The following KIAA1328 variants were observed in gnomAD, a reference collection of about 807,000 sequenced individuals.
The protein encoded by KIAA1328 is protein hinderin.
A neutral mutation model predicts 68.1 loss-of-function variants in KIAA1328; 52 were observed. That is an observed-to-expected ratio of 0.76 (90% CI 0.61 to 0.96). The LOEUF (loss-of-function observed/expected upper bound fraction) is 0.96. Among genes scored for constraint, KIAA1328 ranks in the 40% least tolerant of loss-of-function variants. The pLI, the probability that KIAA1328 is intolerant of heterozygous loss-of-function variation, is 0.00. For synonymous variants in KIAA1328, 232 were observed against 239.4 expected (o/e 0.97, Z 0.28); for missense variants, 641 against 677.6 (o/e 0.95, Z 0.60).
intron 7 of KIAA1328, among the ~76,000 whole-genome samples, chr18:37,093,886 G>T (rs2057332001): frequency 6.6e-6 from 1 of 152,166 alleles, no homozygotes; most frequent in East Asian, 1.9e-4. Flanking sequence ...TAAAAATCCA[G>T]CAAGGAAAAG....
chr18:37,073,784 T>A (rs2056614419), intron 7 of KIAA1328, among the ~76,000 whole-genome samples: 1 of 152,230 alleles, frequency 6.6e-6, no homozygotes, highest in Non-Finnish European at 1.5e-5. Flanking sequence ...AAGAGCGTAT[T>A]CATAAGTGCT....
chr18:37,160,304 C>G lies in KIAA1328; in HGVS notation c.1337C>G (p.Thr446Arg). The G allele has an allele frequency of 6.2e-7, 1 of 1,613,650 alleles. No individual in the cohort carries two copies. The highest frequency in any genetic ancestry group is 8.5e-7 in the Non-Finnish European group (1 of 1,179,688). ...NSGENRKERK[T>R]VGFHSHMKDD... is the part of the protein sequence containing the mutation. ...GGAGAGAATAGGAAGGAGAGGAAGA[C>G]AGTTGGGTTTCATTCGCATATGAAA... Residue 446 changes from threonine (T) to arginine (R), a missense_variant, in exon 8 of 10, where the codon ACA becomes AGA. By Grantham distance (71) the Thr-to-Arg change is moderately conservative (BLOSUM62 -1). Transcript: ENST00000280020.
intron 6 of KIAA1328, among the ~76,000 whole-genome samples, chr18:37,028,337 G>T (rs2054679032): frequency 6.6e-6 from 1 of 151,990 alleles, no homozygotes; most frequent in African/African-American, 2.4e-5. Context: ...CCTCAGCTTG[G>T]ATGTTGTTGG....
chr18:37,083,191 T>C (rs1429738611), intron 7 of KIAA1328, among the ~76,000 whole-genome samples: 1 of 152,192 alleles, frequency 6.6e-6, no homozygotes. Context: ...TTGCTGCCAT[T>C]TTTTCACTTT....
chr18:37,074,245 C>T (rs1028203659), intron 7 of KIAA1328, among the ~76,000 whole-genome samples: 2 of 152,140 alleles, frequency 1.3e-5, no homozygotes, highest in African/African-American at 4.8e-5. Flanking sequence ...GCCAGCTTCT[C>T]CCACATTCAA....
At chr18:36,985,859 C>T (rs891904455) in intron 6 of KIAA1328, among the ~76,000 whole-genome samples, 4 of 152,080 alleles carry the variant, frequency 2.6e-5, no homozygotes, top group African/African-American at 9.7e-5. Context: ...GAGAAAAGCA[C>T]ATGAAAAGTT....
At chr18:36,929,531 G>C (rs774389155) in intron 5 of KIAA1328, among the ~76,000 whole-genome samples, 1 of 151,992 alleles carries the variant, frequency 6.6e-6, no homozygotes, top group Non-Finnish European at 1.5e-5. Context: ...GGTTTTACTA[G>C]TGTTTTTGTC....
intron 9 of KIAA1328, among the ~76,000 whole-genome samples, chr18:37,220,684 G>A (rs1290472430): frequency 6.6e-6 from 1 of 152,202 alleles, no homozygotes; most frequent in Non-Finnish European, 1.5e-5. Context: ...CCACAGGGAT[G>A]GGCTTGGGAA....
rs570840561 is a variant in KIAA1328 at position 37,038,610 on chromosome 18, A to G, written c.577-28280A>G. On this transcript the variant is annotated intron_variant, in intron 6 of 9. Transcript: ENST00000280020. Reference sequence around the variant, plus strand: ...TTATTTCAGTAGTTTCATTTTGTTTATAGATTTCTTAGGATTTTCTACATA... The same window carrying G: ...TTATTTCAGTAGTTTCATTTTGTTTGTAGATTTCTTAGGATTTTCTACATA... 9.2e-5 allele frequency among the ~76,000 whole-genome samples: 14 copies of G among 152,140 alleles called. No homozygotes were observed. The East Asian group carries it at 2.5e-3, about 27-fold the overall frequency.
intron 9 of KIAA1328, among the ~76,000 whole-genome samples, chr18:37,193,905 A>G (rs931881943): frequency 6.6e-6 from 1 of 152,222 alleles, no homozygotes; most frequent in African/African-American, 2.4e-5. Flanking sequence ...TTTCAGGGAT[A>G]ATTATGCATA....
chr18:36,945,942 T>A (rs1369573279), intron 5 of KIAA1328, among the ~76,000 whole-genome samples: 3 of 152,342 alleles, frequency 2.0e-5, no homozygotes, highest in South Asian at 2.1e-4. Context: ...GATTTTGGAT[T>A]TTTTTAGATC....
At chr18:37,152,599 C>T (rs1386007218) in intron 7 of KIAA1328, among the ~76,000 whole-genome samples, 1 of 152,130 alleles carries the variant, frequency 6.6e-6, no homozygotes, top group Non-Finnish European at 1.5e-5. Context: ...TTGTCTCCTG[C>T]AGTGTCCAGA....
chr18:36,944,180 G>C (rs1362717750), intron 5 of KIAA1328, among the ~76,000 whole-genome samples: 1 of 152,084 alleles, frequency 6.6e-6, no homozygotes, highest in Non-Finnish European at 1.5e-5. Flanking sequence ...TTGTAAAATG[G>C]GACTGCTGTA....
intron 3 of KIAA1328, among the ~76,000 whole-genome samples, chr18:36,841,137 A>G (rs1219698606): frequency 1.3e-5 from 2 of 151,998 alleles, no homozygotes; most frequent in Non-Finnish European, 2.9e-5. Context: ...TAGTGTCTCT[A>G]CTGTTCCCAG....
chr18:36,923,536 C>T lies in KIAA1328; in HGVS notation c.449-35772C>T, dbSNP rs140783807. Among the ~76,000 whole-genome samples, 19 of 152,134 alleles carry T rather than the reference C, an allele frequency of 1.2e-4. No individual in the cohort carries two copies. The East Asian group carries it at 3.7e-3, about 29-fold the overall frequency. ...AGTAACTTTATACATATAAGCTTTA[C>T]AATTTACATGAAAGGGATAAATAGA... On this transcript the variant is annotated intron_variant, in intron 5 of 9. Transcript: ENST00000280020.
chr18:37,022,593 G>A (rs1316609640), intron 6 of KIAA1328, among the ~76,000 whole-genome samples: 1 of 152,038 alleles, frequency 6.6e-6, no homozygotes, highest in African/African-American at 2.4e-5. Flanking sequence ...GTGTTAAATT[G>A]CATATATCTT....
At chr18:37,086,033 C>T (rs1239038004) in intron 7 of KIAA1328, among the ~76,000 whole-genome samples, 1 of 152,138 alleles carries the variant, frequency 6.6e-6, no homozygotes, top group African/African-American at 2.4e-5. Flanking sequence ...ACAGTGTGAT[C>T]TCTCTTATAT....
chr18:37,225,210 G>T lies in KIAA1328; in HGVS notation c.*2983G>T. 7 of 985,494 alleles carry T rather than the reference G, an allele frequency of 7.1e-6. No homozygotes were observed. Among genetic ancestry groups the T allele is most frequent in the Non-Finnish European group, 7.2e-6 (6 of 829,964 alleles). The allele number at this position is 985,494 out of a possible 1,614,324, so 61.0% of individuals were successfully genotyped here. On this transcript the variant is annotated 3_prime_UTR_variant, in exon 10 of 10. Coordinates refer to ENST00000280020, the MANE Select transcript of KIAA1328 (RefSeq NM_020776.3). Reference sequence around the variant, plus strand: ...ACGAAGTCTGCTAAGAGAGATGGAGGCTGTGGCGGACTCCTTCCAACTCAC... The same window carrying T: ...ACGAAGTCTGCTAAGAGAGATGGAGTCTGTGGCGGACTCCTTCCAACTCAC...
intron 9 of KIAA1328, among the ~76,000 whole-genome samples, chr18:37,218,674 A>C (rs2060496358): frequency 6.6e-6 from 1 of 152,188 alleles, no homozygotes; most frequent in Non-Finnish European, 1.5e-5. Context: ...AGGTCATTTA[A>C]GGTCTTCTCT....
Sources: allele counts gnomAD v4.1 joint callset (sites outside exome capture counted in the v4.1 genomes callset), GRCh38; gene constraint gnomAD v4.1.1; transcripts MANE v1.5; gene names NCBI Gene and HGNC (gene_info 2026-07-23, HGNC 2026-07-21).